GALNT13: variants seen among roughly 807,000 people sequenced by gnomAD.
GALNT13 encodes the protein UDP-GalNAc:polypeptide N-acetylgalactosaminyltransferase 13.
Under a neutral mutation model 64.2 loss-of-function variants are expected in GALNT13, and 28 were observed. The observed-to-expected ratio is 0.44, with a 90% CI of 0.32 to 0.60. The LOEUF (loss-of-function observed/expected upper bound fraction) is 0.60. GALNT13 is among the 20% of genes least tolerant of loss of function. The pLI is 0.05. For synonymous variants in GALNT13, 214 were observed against 224.6 expected, an observed-to-expected ratio of 0.95 and a Z score of 0.42; for missense variants, 577 against 669.8, an observed-to-expected ratio of 0.86 and a Z score of 1.53.
At chr2:154,296,791 CT>C (rs1179770770) in intron 8 of GALNT13, among the ~76,000 whole-genome samples, 1 of 151,700 alleles carries the variant, frequency 6.6e-6, no homozygotes. Context: ...TGTTATTATA[CT>C]TTAAGTCTGG....
the GALNT13 span, among the ~76,000 whole-genome samples, chr2:153,416,448 A>G: frequency 1.3e-5 from 2 of 152,218 alleles, no homozygotes; most frequent in African/African-American, 4.8e-5. Flanking sequence ...GCTGATGAAT[A>G]ACTGCTTACA....
the GALNT13 span, among the ~76,000 whole-genome samples, chr2:153,237,811 T>C: frequency 6.6e-6 from 1 of 152,118 alleles, no homozygotes; most frequent in Non-Finnish European, 1.5e-5. Flanking sequence ...AGGTATCTCT[T>C]TGATATAATA....
intron 4 of GALNT13, among the ~76,000 whole-genome samples, chr2:154,205,882 C>A (rs1040350327): frequency 6.6e-6 from 1 of 152,010 alleles, no homozygotes; most frequent in Non-Finnish European, 1.5e-5. Context: ...AAAAAAAATT[C>A]TCTAGTTTTC....
the GALNT13 span, among the ~76,000 whole-genome samples, chr2:153,428,619 G>C: frequency 6.6e-6 from 1 of 152,118 alleles, no homozygotes; most frequent in South Asian, 2.1e-4. Flanking sequence ...TCCAGTGGTG[G>C]ACAAAAAATT....
At chr2:153,095,121 A>T in the GALNT13 span, among the ~76,000 whole-genome samples, 1 of 152,184 alleles carries the variant, frequency 6.6e-6, no homozygotes, top group Non-Finnish European at 1.5e-5. Context: ...ATGGGAGAAA[A>T]TTTTTGCAAT....
the GALNT13 span, among the ~76,000 whole-genome samples, chr2:153,726,801 G>A: frequency 1.6e-3 from 250 of 152,042 alleles, 2 homozygotes; most frequent in South Asian, 3.7e-3. Context: ...TTAGCCGGGT[G>A]TGGTGGCGGG....
At chr2:153,859,896 A>C in the GALNT13 span, among the ~76,000 whole-genome samples, 1 of 152,160 alleles carries the variant, frequency 6.6e-6, no homozygotes, top group Admixed American at 6.5e-5. Context: ...AATGCTACCC[A>C]AATAGTTTTA....
At chr2:153,434,217 T>C in the GALNT13 span, among the ~76,000 whole-genome samples, 1 of 152,158 alleles carries the variant, frequency 6.6e-6, no homozygotes, top group Admixed American at 6.5e-5. Flanking sequence ...ATTTTCTTAA[T>C]CCAGTCTATC....
intron 11 of GALNT13, among the ~76,000 whole-genome samples, chr2:154,429,533 T>C (rs1208234653): frequency 6.6e-6 from 1 of 152,160 alleles, no homozygotes; most frequent in African/African-American, 2.4e-5. Context: ...AGTTGATTTA[T>C]GAGTTTTAAG....
chr2:153,481,213 T>G, the GALNT13 span, among the ~76,000 whole-genome samples: 1 of 152,310 alleles, frequency 6.6e-6, no homozygotes, highest in East Asian at 1.9e-4. Context: ...TAAAATTACT[T>G]AGAACATATA....
chr2:153,405,716 A>T, the GALNT13 span, among the ~76,000 whole-genome samples: 1 of 152,204 alleles, frequency 6.6e-6, no homozygotes, highest in South Asian at 2.1e-4. Context: ...ACAGGATGAG[A>T]GAAACATAAG....
rs191185909 is a variant in GALNT13, at chr2:154,196,711, T to G, written c.312-45319T>G. 2.6e-4 allele frequency among the ~76,000 whole-genome samples: 40 copies of G among 152,330 alleles called. No individual in the cohort carries two copies. In the South Asian group the frequency reaches 4.1e-3, roughly 16 times the overall value. On this transcript the variant is annotated intron_variant, in intron 4 of 12. Transcript: ENST00000392825. ...GTATAAACTTTGTGATAATTATAAA[T>G]TCAACCATGTTTCAATAGTCACAAT...
the GALNT13 span, among the ~76,000 whole-genome samples, chr2:153,348,841 A>G: frequency 2.6e-5 from 4 of 152,232 alleles, no homozygotes; most frequent in East Asian, 3.8e-4. Context: ...AGCACACGGC[A>G]GTCTTCCACA....
chr2:153,412,607 A>G, the GALNT13 span, among the ~76,000 whole-genome samples: 1 of 152,162 alleles, frequency 6.6e-6, no homozygotes, highest in Non-Finnish European at 1.5e-5. Flanking sequence ...AAAACTGTCA[A>G]GATCCTGTTT....
the GALNT13 span, among the ~76,000 whole-genome samples, chr2:153,662,490 C>T: frequency 2.0e-5 from 3 of 152,188 alleles, no homozygotes; most frequent in African/African-American, 7.2e-5. Context: ...TCAGGCTTCT[C>T]TGGCAATCAG....
intron 8 of GALNT13, among the ~76,000 whole-genome samples, chr2:154,275,714 G>A (rs914343192): frequency 1.3e-5 from 2 of 152,222 alleles, no homozygotes; most frequent in African/African-American, 4.8e-5. Flanking sequence ...ACATTGTCTA[G>A]TGGATCTGTG....
At chr2:154,117,579 G>A (rs2105507686) in intron 3 of GALNT13, among the ~76,000 whole-genome samples, 1 of 152,292 alleles carries the variant, frequency 6.6e-6, no homozygotes. Context: ...CATTTAGGTT[G>A]CTGCAAATGC....
chr2:154,278,175 C>T (rs890401594), intron 8 of GALNT13, among the ~76,000 whole-genome samples: 28 of 151,964 alleles, frequency 1.8e-4, no homozygotes, highest in African/African-American at 4.6e-4. Flanking sequence ...TTTGCATTTG[C>T]GAAAAACATC....
At chr2:153,749,221 T>C in the GALNT13 span, among the ~76,000 whole-genome samples, 1 of 152,052 alleles carries the variant, frequency 6.6e-6, no homozygotes, top group Non-Finnish European at 1.5e-5. Flanking sequence ...CATACTGTGT[T>C]GATGACTATA....
Sources: allele counts gnomAD v4.1 joint callset (sites outside exome capture counted in the v4.1 genomes callset), GRCh38; gene constraint gnomAD v4.1.1; transcripts MANE v1.5; gene names NCBI Gene and HGNC (gene_info 2026-07-23, HGNC 2026-07-21).